The following AFG2A variants were observed in gnomAD, a reference collection of about 807,000 sequenced individuals.
AFG2A encodes the protein AAA ATPase AFG2A.
At chr4:123,068,590 A>G in the AFG2A span, among the ~76,000 whole-genome samples, 1 of 152,210 alleles carries the variant, frequency 6.6e-6, no homozygotes, top group African/African-American at 2.4e-5. Context: ...TTTTATTAAA[A>G]TTCAAAAGAC....
At chr4:123,216,746 G>C in the AFG2A span, among the ~76,000 whole-genome samples, 1 of 150,986 alleles carries the variant, frequency 6.6e-6, no homozygotes, top group African/African-American at 2.4e-5. Context: ...GTTCAGTGTA[G>C]CTTCAGACTC....
At chr4:122,929,582 C>T in the AFG2A span, among the ~76,000 whole-genome samples, 49 of 152,030 alleles carry the variant, frequency 3.2e-4, no homozygotes, top group Non-Finnish European at 5.7e-4. Context: ...ACCTGTAGTC[C>T]CAACTATTTG....
the AFG2A span, among the ~76,000 whole-genome samples, chr4:122,924,988 A>G: frequency 6.6e-6 from 1 of 152,158 alleles, no homozygotes; most frequent in African/African-American, 2.4e-5. Flanking sequence ...CATATTTTGA[A>G]TAGCACTGTA....
chr4:123,095,980 A>G, the AFG2A span, among the ~76,000 whole-genome samples: 8 of 152,262 alleles, frequency 5.3e-5, no homozygotes, highest in South Asian at 1.2e-3. Context: ...TTTCAGTTTC[A>G]TGTCTTCTGG....
the AFG2A span, among the ~76,000 whole-genome samples, chr4:123,084,022 T>C: frequency 6.6e-6 from 1 of 152,154 alleles, no homozygotes; most frequent in African/African-American, 2.4e-5. Flanking sequence ...TGTTTATTCT[T>C]GTGTGGGTTT....
At chr4:123,031,380 T>G in the AFG2A span, among the ~76,000 whole-genome samples, 1 of 152,162 alleles carries the variant, frequency 6.6e-6, no homozygotes, top group African/African-American at 2.4e-5. Context: ...CTCGAACTCC[T>G]GAGCTCAGGC....
chr4:122,967,765 A>G, the AFG2A span, among the ~76,000 whole-genome samples: 211 of 152,208 alleles, frequency 1.4e-3, no homozygotes, highest in African/African-American at 5.0e-3. Flanking sequence ...GGCCTCCTGA[A>G]GTGCTGGGAT....
chr4:123,010,747 C>T, the AFG2A span, among the ~76,000 whole-genome samples: 2 of 152,216 alleles, frequency 1.3e-5, no homozygotes, highest in African/African-American at 4.8e-5. Flanking sequence ...GGCTTGCTTA[C>T]TTCTGAGACT....
At chr4:123,042,634 C>T in the AFG2A span, among the ~76,000 whole-genome samples, 1 of 152,050 alleles carries the variant, frequency 6.6e-6, no homozygotes, top group Non-Finnish European at 1.5e-5. Context: ...TCCCTTTTCT[C>T]CTCTTTTCTT....
At chr4:123,196,719 A>G in the AFG2A span, among the ~76,000 whole-genome samples, 25 of 152,144 alleles carry the variant, frequency 1.6e-4, no homozygotes, top group Non-Finnish European at 3.1e-4. Flanking sequence ...AAAACTTTTA[A>G]GGCTTCCCAA....
chr4:123,019,042 C>T, the AFG2A span, among the ~76,000 whole-genome samples: 132,679 of 152,076 alleles, frequency 0.87, 58,179 homozygotes, highest in East Asian at 0.96. Flanking sequence ...CTCCAGAATA[C>T]AAACTTTATA....
chr4:123,236,650 G>A, the AFG2A span, among the ~76,000 whole-genome samples: 2 of 152,130 alleles, frequency 1.3e-5, no homozygotes, highest in Non-Finnish European at 2.9e-5. Context: ...CACTTAGAGT[G>A]ATTTGATTCA....
the AFG2A span, among the ~76,000 whole-genome samples, chr4:123,002,737 A>G: frequency 6.6e-6 from 1 of 151,764 alleles, no homozygotes. Flanking sequence ...TGCCCTTAAC[A>G]TTTTTTCCTT....
At chr4:123,248,725 G>A in the AFG2A span, among the ~76,000 whole-genome samples, 3 of 152,144 alleles carry the variant, frequency 2.0e-5, no homozygotes, top group African/African-American at 7.2e-5. Context: ...TAAATATTGA[G>A]ATTTAGAAAT....
the AFG2A span, among the ~76,000 whole-genome samples, chr4:123,053,985 C>A: frequency 6.6e-6 from 1 of 152,144 alleles, no homozygotes; most frequent in Non-Finnish European, 1.5e-5. Flanking sequence ...AAGCTGGGAC[C>A]TCAGCTAGGG....
the AFG2A span, among the ~76,000 whole-genome samples, chr4:122,954,220 A>G: frequency 6.6e-6 from 1 of 152,074 alleles, no homozygotes; most frequent in Non-Finnish European, 1.5e-5. Flanking sequence ...GATGTATGCC[A>G]TTCCACTCAT....
the AFG2A span, among the ~76,000 whole-genome samples, chr4:122,996,950 C>T: frequency 6.6e-6 from 1 of 152,166 alleles, no homozygotes; most frequent in Admixed American, 6.6e-5. Context: ...TTAATTTTGT[C>T]TGGACTCTTA....
the AFG2A span, among the ~76,000 whole-genome samples, chr4:123,198,336 A>G: frequency 6.6e-6 from 1 of 151,806 alleles, no homozygotes; most frequent in South Asian, 2.1e-4. Context: ...TCCTCCCTAC[A>G]TCATGTGTGT....
At chr4:123,054,424 T>G in the AFG2A span, among the ~76,000 whole-genome samples, 1 of 152,304 alleles carries the variant, frequency 6.6e-6, no homozygotes, top group African/African-American at 2.4e-5. Flanking sequence ...ATCCTTTTTT[T>G]TTTTTATGAA....
Sources: gnomAD v4.1 joint callset for allele counts (sites outside exome capture counted in the v4.1 genomes callset) on GRCh38, gnomAD v4.1.1 for gene constraint, MANE v1.5 for transcripts, NCBI Gene and HGNC (gene_info 2026-07-23, HGNC 2026-07-21) for gene names.